ADAMTSL1: variants seen among roughly 807,000 people sequenced by gnomAD.
ADAMTSL1 encodes the protein ADAMTS-like protein 1.
A neutral mutation model predicts 201.8 loss-of-function variants in ADAMTSL1; 126 were observed. The ratio of observed to expected loss-of-function variants is 0.62; its 90% CI spans 0.54 to 0.72. The LOEUF (loss-of-function observed/expected upper bound fraction) is 0.72. ADAMTSL1 is among the 30% of genes least tolerant of loss of function. The pLI, the probability that ADAMTSL1 is intolerant of heterozygous loss-of-function variation, is 0.00. For missense variants in ADAMTSL1, 2,679 were observed against 2,277.8 expected, an observed-to-expected ratio of 1.18 and a Z score of -3.59; for synonymous variants, 1,121 against 903.4, an observed-to-expected ratio of 1.24 and a Z score of -4.32.
intron 1 of ADAMTSL1, among the ~76,000 whole-genome samples, chr9:18,495,861 T>C (rs1822509385): frequency 6.6e-6 from 1 of 152,218 alleles, no homozygotes; most frequent in Non-Finnish European, 1.5e-5. Context: ...TTTCTCATGG[T>C]CTTGCTTTCT....
intron 2 of ADAMTSL1, among the ~76,000 whole-genome samples, chr9:18,202,595 C>T (rs1037193276): frequency 3.9e-5 from 6 of 152,322 alleles, no homozygotes; most frequent in African/African-American, 1.4e-4. Flanking sequence ...CCTCATCTTC[C>T]AAGAGCCACG....
At chr9:18,733,086 CCT>C (rs1280468437) in intron 15 of ADAMTSL1, among the ~76,000 whole-genome samples, 1 of 152,154 alleles carries the variant, frequency 6.6e-6, no homozygotes, top group Non-Finnish European at 1.5e-5. Context: ...GCTGTCTGTC[CCT>C]CTGTCACTGT....
At chr9:18,297,933 T>C (rs1193309765) in intron 2 of ADAMTSL1, among the ~76,000 whole-genome samples, 1 of 152,242 alleles carries the variant, frequency 6.6e-6, no homozygotes, top group Non-Finnish European at 1.5e-5. Context: ...GCTATTGTTT[T>C]ATTGGCAGCA....
Position 18,908,554 on chromosome 9 carries a change from G to C in ADAMTSL1, c.*6G>C. On this transcript the variant is annotated 3_prime_UTR_variant, in exon 29 of 29. Transcript: ENST00000380548. The stretch of plus-strand genomic sequence containing the variant: ...GAACTTGTGGCAAAGCGTGAAGATA[G>C]GGTGTGGGGAAAAACTCTACCCTGG... The C allele has an allele frequency of 6.4e-7, 1 of 1,555,988 alleles. No individual in the cohort carries two copies. Among genetic ancestry groups the C allele is most frequent in the Non-Finnish European group, 8.7e-7 (1 of 1,149,384 alleles).
intron 1 of ADAMTSL1, among the ~76,000 whole-genome samples, chr9:17,974,428 G>A (rs185761330): frequency 8.3e-4 from 126 of 152,002 alleles, no homozygotes; most frequent in African/African-American, 2.7e-3. Flanking sequence ...TCTGCAATAC[G>A]GTGTAAATGT....
intron 2 of ADAMTSL1, among the ~76,000 whole-genome samples, chr9:18,210,201 C>T (rs1034577943): frequency 6.6e-6 from 1 of 151,416 alleles, no homozygotes. Context: ...CATTTTCTTT[C>T]TTTCCTTTCT....
At chr9:18,225,644 G>A (rs1313615296) in intron 2 of ADAMTSL1, among the ~76,000 whole-genome samples, 7 of 151,784 alleles carry the variant, frequency 4.6e-5, no homozygotes, top group Non-Finnish European at 7.4e-5. Flanking sequence ...TCAGTTATTC[G>A]CATGACTGAG....
rs77385999 is a variant in ADAMTSL1, at chr9:18,656,070, T to C, written c.835-1569T>C. ...GTCAAAATCCCAGGGTATGAGACAT[T>C]CTGTAGGGTTTCTCTCTTCCTTCTT... On this transcript the variant is annotated intron_variant, in intron 7 of 28. Transcript: ENST00000380548. Among the ~76,000 whole-genome samples the C allele has an allele frequency of 5.0e-3, 761 of 152,112 alleles. 8 individuals are homozygous for C. The highest frequency in any genetic ancestry group is 0.017 in the African/African-American group (718 of 41,458).
intron 20 of ADAMTSL1, among the ~76,000 whole-genome samples, chr9:18,797,469 A>G (rs1822498684): frequency 6.6e-6 from 1 of 152,188 alleles, no homozygotes. Flanking sequence ...GTGGTCCCTG[A>G]TGCTTACAGA....
At chr9:18,156,440 C>T (rs931518407) in intron 1 of ADAMTSL1, among the ~76,000 whole-genome samples, 2 of 151,902 alleles carry the variant, frequency 1.3e-5, no homozygotes, top group Non-Finnish European at 2.9e-5. Flanking sequence ...TGATGTTGAC[C>T]AATATAAACA....
chr9:18,871,142 AT>A (rs1827850028), intron 23 of ADAMTSL1, among the ~76,000 whole-genome samples: 1 of 152,098 alleles, frequency 6.6e-6, no homozygotes, highest in South Asian at 2.1e-4. Flanking sequence ...CTACCTTTGG[AT>A]TTTTTATCAT....
chr9:18,767,106 G>T (rs1221881413), intron 16 of ADAMTSL1, among the ~76,000 whole-genome samples: 1 of 152,166 alleles, frequency 6.6e-6, no homozygotes, highest in Non-Finnish European at 1.5e-5. Context: ...GACTGAGAGA[G>T]AAGTAGGTTT....
chr9:18,228,012 C>G (rs1260139664), intron 2 of ADAMTSL1, among the ~76,000 whole-genome samples: 1 of 152,186 alleles, frequency 6.6e-6, no homozygotes, highest in Non-Finnish European at 1.5e-5. Flanking sequence ...GCAGTTAGCT[C>G]CTCCAGTCCA....
intron 1 of ADAMTSL1, among the ~76,000 whole-genome samples, chr9:18,042,094 G>C: frequency 7.5e-6 from 1 of 134,222 alleles, no homozygotes; most frequent in African/African-American, 3.3e-5. Context: ...GTAATTGCTG[G>C]GAAAAAAAAA....
At chr9:18,372,763 T>G (rs1374803197) in intron 2 of ADAMTSL1, among the ~76,000 whole-genome samples, 2 of 152,220 alleles carry the variant, frequency 1.3e-5, no homozygotes, top group Non-Finnish European at 2.9e-5. Context: ...TGGTTACATG[T>G]GGGGCTCTCT....
chr9:18,360,293 G>A (rs1012006438), intron 2 of ADAMTSL1, among the ~76,000 whole-genome samples: 47 of 152,100 alleles, frequency 3.1e-4, no homozygotes, highest in Admixed American at 3.3e-4. Flanking sequence ...CATGATCTAC[G>A]AGCTACACAA....
At chr9:18,338,956 T>C (rs1393320267) in intron 2 of ADAMTSL1, among the ~76,000 whole-genome samples, 4 of 152,196 alleles carry the variant, frequency 2.6e-5, no homozygotes, top group Non-Finnish European at 1.5e-5. Context: ...ACATGATCTC[T>C]GTCTTTTTAT....
At chr9:18,073,414 A>C (rs1388915644) in intron 1 of ADAMTSL1, among the ~76,000 whole-genome samples, 1 of 152,150 alleles carries the variant, frequency 6.6e-6, no homozygotes, top group Non-Finnish European at 1.5e-5. Flanking sequence ...TATTTACAGA[A>C]TTGTTAAGAA....
chr9:18,507,923 G>A (rs539502383), intron 2 of ADAMTSL1, among the ~76,000 whole-genome samples: 44 of 152,202 alleles, frequency 2.9e-4, no homozygotes, highest in African/African-American at 9.9e-4. Flanking sequence ...AGTGGCTCAC[G>A]CCTGTAATTG....
Sources: allele counts gnomAD v4.1 joint callset (sites outside exome capture counted in the v4.1 genomes callset), GRCh38; gene constraint gnomAD v4.1.1; transcripts MANE v1.5; gene names NCBI Gene and HGNC (gene_info 2026-07-23, HGNC 2026-07-21).